Variants in PRKDC observed in about 807,000 individuals in gnomAD.
The protein encoded by PRKDC is DNA-dependent protein kinase catalytic subunit.
A neutral mutation model predicts 486.9 loss-of-function variants in PRKDC; 82 were observed. That is an observed-to-expected ratio of 0.17 (90% CI 0.14 to 0.20). The LOEUF (loss-of-function observed/expected upper bound fraction) is 0.20, where lower values mean the gene tolerates loss of function less well. Ranked by LOEUF, PRKDC falls within the 10% of genes least tolerant of loss-of-function variation. PRKDC has a pLI of 1.00. For missense variants in PRKDC, 4,504 were observed against 5,038.2 expected (o/e 0.89, Z 3.21); for synonymous variants, 1,895 against 1,837.0 (o/e 1.03, Z -0.81).
chr8:47,855,591 G>A (rs1444759745), intron 49 of PRKDC, among the ~76,000 whole-genome samples: 2 of 152,224 alleles, frequency 1.3e-5, no homozygotes, highest in South Asian at 4.1e-4. Context: ...CGTCCAGGGT[G>A]CAGGCTGCTA....
intron 64 of PRKDC, among the ~76,000 whole-genome samples, chr8:47,823,125 G>T (rs1411153057): frequency 1.3e-5 from 2 of 151,916 alleles, no homozygotes; most frequent in African/African-American, 4.8e-5. Flanking sequence ...CTTGAGCTCA[G>T]GAGTTCCCAA....
At chr8:47,924,410 A>C (rs2090122163) in intron 21 of PRKDC, among the ~76,000 whole-genome samples, 1 of 152,030 alleles carries the variant, frequency 6.6e-6, no homozygotes, top group South Asian at 2.1e-4. Context: ...AAATACAAAA[A>C]TTAGCTGGGC....
intron 21 of PRKDC, among the ~76,000 whole-genome samples, chr8:47,920,759 G>A (rs896035788): frequency 2.0e-5 from 3 of 151,972 alleles, no homozygotes; most frequent in Non-Finnish European, 2.9e-5. Flanking sequence ...TAGTTATTCC[G>A]GCTAATAAGC....
chr8:47,927,264 A>G lies in PRKDC; in HGVS notation c.2349T>C (p.His783=), dbSNP rs1423365636. The part of the protein sequence containing the change: ...LEEWSIYIDR[H]VMQPYYKDIL... ...TGTCTTTGTAATAAGGCTGCATTAC[A>G]TGTCTGTCAATATAAATTGACCATT... Residue 783 remains histidine, a synonymous_variant, in exon 21 of 86, where the codon CAT becomes CAC. Coordinates refer to ENST00000314191, the MANE Select transcript of PRKDC (RefSeq NM_006904.7). The G allele has an allele frequency of 1.2e-6, 2 of 1,613,792 alleles. No individual in the cohort carries two copies. The highest frequency in any genetic ancestry group is 2.7e-5 in the African/African-American group (2 of 75,052).
rs1021897370 is a variant in PRKDC at position 47,826,796 on chromosome 8, C to T, written c.8643G>A (p.Leu2881=). ...TGCCCACGGGCTGCTGTAGGCTGGC[C>T]AGGCAACCAGCGCTAACAGCCGCTG... The part of the protein sequence containing the change: ...LDPAAVSAGC[L]ASLQQPVGIR... The change falls in exon 63 of 86, where the codon CTG becomes CTA. Residue 2881 remains leucine (L), a synonymous_variant. Coordinates refer to ENST00000314191, the MANE Select transcript of PRKDC (RefSeq NM_006904.7). 6.2e-7 allele frequency: 1 copy of T among 1,608,714 alleles called. No homozygotes were observed. Among genetic ancestry groups the T allele is most frequent in the African/African-American group, 1.3e-5 (1 of 74,864 alleles).
chr8:47,886,235 T>C (rs2089327784), intron 35 of PRKDC, 88 bp from the exon 36 acceptor site: 2 of 1,120,052 alleles, frequency 1.8e-6, no homozygotes, highest in Non-Finnish European at 2.5e-6. Context: ...ACTTTGAAAT[T>C]GGAAAATGAC....
Position 47,957,421 on chromosome 8 carries a change from T to C in PRKDC, c.165A>G (p.Thr55=). ...CGAAATCTCTGGAAAAAACTAAAGATGTCTGTAATGCTGTTCAAAAAAATA... is the reference window on the plus strand; with the variant it reads ...CGAAATCTCTGGAAAAAACTAAAGACGTCTGTAATGCTGTTCAAAAAAATA... The part of the protein sequence containing the change: ...SSSPAVLALQ[T]SLVFSRDFGL... The change falls in exon 2 of 86, where the codon ACA becomes ACG. Residue 55 remains threonine, a synonymous_variant. Transcript: ENST00000314191. 1 of 1,580,828 alleles carries C rather than the reference T, an allele frequency of 6.3e-7. No individual in the cohort carries two copies. The highest frequency in any genetic ancestry group is 1.3e-5 in the African/African-American group (1 of 74,446).
At chr8:47,850,438 G>C (rs2088376819) in intron 52 of PRKDC, among the ~76,000 whole-genome samples, 1 of 152,116 alleles carries the variant, frequency 6.6e-6, no homozygotes, top group Non-Finnish European at 1.5e-5. Context: ...TGCTCAAACA[G>C]AAACTATCAT....
intron 21 of PRKDC, among the ~76,000 whole-genome samples, chr8:47,918,868 T>C (rs2090030273): frequency 6.6e-6 from 1 of 152,160 alleles, no homozygotes; most frequent in South Asian, 2.1e-4. Context: ...TAATACCTGA[T>C]TCAGAAGAAT....
intron 40 of PRKDC, among the ~76,000 whole-genome samples, chr8:47,868,395 T>TAAA (rs538713166): frequency 7.1e-6 from 1 of 141,474 alleles, no homozygotes; most frequent in African/African-American, 2.6e-5. Flanking sequence ...TCTCTACGTT[T>TAAA]AAAAAAAAAA....
At chr8:47,830,861 C>G in intron 60 of PRKDC, 125 bp from the exon 61 acceptor site, 4 of 1,165,036 alleles carry the variant, frequency 3.4e-6, no homozygotes, top group Non-Finnish European at 5.0e-6. Flanking sequence ...CTGATGCTCG[C>G]AGAGGCTCAG....
intron 46 of PRKDC, 61 bp downstream of exon 46, chr8:47,859,550 C>A: frequency 6.4e-7 from 1 of 1,563,864 alleles, no homozygotes. Context: ...CAAGGCATAG[C>A]TGTGACCCCC....
At chr8:47,828,555 T>G (rs2087790723) in intron 61 of PRKDC, among the ~76,000 whole-genome samples, 1 of 152,196 alleles carries the variant, frequency 6.6e-6, no homozygotes, top group African/African-American at 2.4e-5. Context: ...TATGGAAACA[T>G]GGACTTTTGG....
intron 67 of PRKDC, among the ~76,000 whole-genome samples, chr8:47,818,426 A>T (rs2087501415): frequency 6.6e-6 from 1 of 151,948 alleles, no homozygotes; most frequent in Non-Finnish European, 1.5e-5. Flanking sequence ...AAAAATACAA[A>T]AAATTAGCCA....
Position 47,954,450 on chromosome 8 carries a change from AAAG to A in PRKDC, c.400-7_400-5del. On this transcript the variant is annotated splice_region_variant and splice_polypyrimidine_tract_variant and intron_variant, in intron 4 of 85. Transcript: ENST00000314191. ...AACTTCTAAAAGTCTGAAGTAACTAAAAGAATACAAATTAGTACATCAATGTAG... is the reference window on the plus strand; with the variant it reads ...AACTTCTAAAAGTCTGAAGTAACTAAAATACAAATTAGTACATCAATGTAG... The A allele has an allele frequency of 8.4e-7, 1 of 1,195,952 alleles. No homozygotes were observed. Among genetic ancestry groups the A allele is most frequent in the Non-Finnish European group, 1.2e-6 (1 of 867,802 alleles). The allele number at this position is 1,195,952 out of a possible 1,614,324, so 74.1% of individuals were successfully genotyped here.
intron 7 of PRKDC, among the ~76,000 whole-genome samples, chr8:47,949,035 C>A (rs1305085211): frequency 6.6e-6 from 1 of 152,250 alleles, no homozygotes; most frequent in Non-Finnish European, 1.5e-5. Flanking sequence ...ATCAGCAGGG[C>A]TGTGCTCCTT....
intron 71 of PRKDC, 136 bp from the exon 72 acceptor site, chr8:47,799,526 C>T: frequency 2.3e-6 from 2 of 885,720 alleles, no homozygotes; most frequent in Non-Finnish European, 3.2e-6. Flanking sequence ...ACTGGAAAAA[C>T]AAGAGTCCAC....
At chr8:47,945,755 TC>T (rs1409322723) in intron 7 of PRKDC, among the ~76,000 whole-genome samples, 8 of 152,154 alleles carry the variant, frequency 5.3e-5, no homozygotes, top group African/African-American at 1.9e-4. Context: ...CGAGTTTCAC[TC>T]TATCACCCAG....
intron 12 of PRKDC, 150 bp from the exon 13 acceptor site, chr8:47,936,050 A>G (rs2090345408): frequency 2.4e-6 from 2 of 849,116 alleles, no homozygotes; most frequent in South Asian, 4.7e-5. Flanking sequence ...AACATGTATT[A>G]CTGTGATTGC....
Sources: gnomAD v4.1 joint callset for allele counts (sites outside exome capture counted in the v4.1 genomes callset) on GRCh38, gnomAD v4.1.1 for gene constraint, MANE v1.5 for transcripts, NCBI Gene and HGNC (gene_info 2026-07-23, HGNC 2026-07-21) for gene names.